Variants in MYH10 observed in about 807,000 individuals in gnomAD.
MYH10 encodes the protein myosin heavy chain 10.
In MYH10, 55 loss-of-function variants were observed where a neutral mutation model predicts 257.8. The ratio of observed to expected loss-of-function variants is 0.21; its 90% CI spans 0.17 to 0.27. The LOEUF is 0.27. Among genes scored for constraint, MYH10 ranks in the 10% least tolerant of loss-of-function variants. The pLI, the probability that MYH10 is intolerant of heterozygous loss-of-function variation, is 1.00. For synonymous variants in MYH10, 854 were observed against 921.7 expected, an observed-to-expected ratio of 0.93 and a Z score of 1.33; for missense variants, 1,631 against 2,500.6, an observed-to-expected ratio of 0.65 and a Z score of 7.42.
intron 9 of MYH10, among the ~76,000 whole-genome samples, chr17:8,550,791 T>C (rs2082615430): frequency 6.6e-6 from 1 of 152,110 alleles, no homozygotes; most frequent in Non-Finnish European, 1.5e-5. Context: ...TTTTGTTCTG[T>C]ACTAAGAAAA....
chr17:8,476,843 T>G (rs770279204), intron 42 of MYH10, 33 bp downstream of exon 42: 3 of 1,587,466 alleles, frequency 1.9e-6, no homozygotes, highest in Non-Finnish European at 2.6e-6. Flanking sequence ...ACAAAGCAGC[T>G]GCCTGTCAGC....
At chr17:8,542,412 T>A in intron 13 of MYH10, 132 bp from the exon 14 acceptor site, 2 of 754,100 alleles carry the variant, frequency 2.7e-6, no homozygotes, top group Non-Finnish European at 4.2e-6. Context: ...ATTGCTTCTA[T>A]CTAATGACAG....
At position 8,625,363 on chromosome 17, in the gene MYH10, T is replaced by C. The variant is rs150090348; in HGVS notation, c.-31-2086A>G. 1.3e-3 allele frequency among the ~76,000 whole-genome samples: 198 copies of C among 152,368 alleles called. 1 individual carries two copies. The highest frequency in any genetic ancestry group is 6.8e-3 in the Middle Eastern group (2 of 294). ...CGTTACAAACACTCATCTTCTATAG[T>C]AGCGGCTGTCAAATTCAGGCATGCA... On this transcript the variant is annotated intron_variant, in intron 1 of 42. Transcript: ENST00000360416.
At chr17:8,526,274 C>G (rs1478416991) in intron 17 of MYH10, among the ~76,000 whole-genome samples, 2 of 152,176 alleles carry the variant, frequency 1.3e-5, no homozygotes, top group African/African-American at 4.8e-5. Flanking sequence ...TTGATCAAAG[C>G]AGAAACCAGA....
chr17:8,492,631 CTTTTTTT>C (rs74648985), intron 33 of MYH10, 122 bp from the exon 34 acceptor site: 42 of 949,824 alleles, frequency 4.4e-5, no homozygotes, highest in African/African-American at 1.0e-4. Flanking sequence ...CTTGTATTTC[CTTTTTTT>C]TTTTTTTTTT....
At chr17:8,602,484 T>C (rs773643317) in intron 3 of MYH10, among the ~76,000 whole-genome samples, 56 of 152,198 alleles carry the variant, frequency 3.7e-4, no homozygotes, top group Non-Finnish European at 7.6e-4. Flanking sequence ...GGTGTGAGCT[T>C]TACCAGCAAT....
Position 8,499,291 on chromosome 17 carries a change from C to T in MYH10, c.3930G>A (p.Ala1310=), listed in dbSNP as rs200476301. The T allele has an allele frequency of 3.0e-5, 49 of 1,613,726 alleles. No individual in the cohort carries two copies. The highest frequency in any genetic ancestry group is 5.0e-5 in the Admixed American group (3 of 59,998). Residue 1310 remains alanine (A), a synonymous_variant, in exon 30 of 43, where the codon GCG becomes GCA. Coordinates refer to ENST00000360416, the MANE Select transcript of MYH10 (RefSeq NM_001256012.3). ...TTACCTGCAGCTTACTTGCTTTCTC[C>T]GCCAGCTCCACCCTGAGCCTGTCGC... ...SEGDRLRVEL[A]EKASKLQNEL...
chr17:8,571,579 G>A (rs1018813216), intron 6 of MYH10, among the ~76,000 whole-genome samples: 7 of 151,850 alleles, frequency 4.6e-5, no homozygotes, highest in African/African-American at 1.7e-4. Context: ...TCAGGAGATC[G>A]AGACCATCCT....
chr17:8,474,268 C>T lies in MYH10; in HGVS notation c.*1536G>A, dbSNP rs1428329842. 1 of 152,570 alleles carries T rather than the reference C, an allele frequency of 6.6e-6. No individual in the cohort carries two copies. The highest frequency in any genetic ancestry group is 6.5e-5 in the Admixed American group (1 of 15,276). The allele number at this position is 152,570 out of a possible 1,614,324, so 9.5% of individuals were successfully genotyped here. A position where few individuals can be genotyped will look rare whatever the true frequency, so the allele number is the denominator to read the frequency against. On this transcript the variant is annotated 3_prime_UTR_variant, in exon 43 of 43. Transcript: ENST00000360416. ...CTTTATTCTCCACGGGTGCTTTTTT[C>T]TTCAAGTAAACAGAGCAGGCGCAAA...
In MYH10 at chr17:8,504,640, G is replaced by T; in HGVS notation, c.3599+54C>A. On this transcript the variant is annotated intron_variant, in intron 28 of 42. Transcript: ENST00000360416. The surrounding 1 kb of genome is among the most constrained non-coding windows in gnomAD (Gnocchi z 5.6). ...AAGCACACCAGGCATTTCTGCACGG[G>T]CTCGGTGGAGAGGTCGGCAGGCGCC... The T allele has an allele frequency of 6.6e-7, 1 of 1,508,692 alleles. No homozygotes were observed. The highest frequency in any genetic ancestry group is 9.1e-7 in the Non-Finnish European group (1 of 1,094,458). 93.5% of individuals were successfully genotyped at this position (1,508,692 alleles called of 1,614,324 possible). A position where few individuals can be genotyped will look rare whatever the true frequency, so the allele number is the denominator to read the frequency against.
chr17:8,522,977 A>G (rs1184086830), intron 17 of MYH10, among the ~76,000 whole-genome samples: 1 of 152,064 alleles, frequency 6.6e-6, no homozygotes, highest in East Asian at 1.9e-4. Context: ...CTTCAGTCCC[A>G]TGTTTCTTGA....
chr17:8,482,964 T>G (rs1270145328), intron 37 of MYH10, among the ~76,000 whole-genome samples: 1 of 152,198 alleles, frequency 6.6e-6, no homozygotes. Flanking sequence ...CATTTTTAAG[T>G]ACCCACGGAA....
intron 24 of MYH10, among the ~76,000 whole-genome samples, chr17:8,510,547 A>C (rs1016710721): frequency 1.3e-5 from 2 of 152,216 alleles, no homozygotes; most frequent in Admixed American, 1.3e-4. Flanking sequence ...ATATTGAGTA[A>C]CTATGAACAT....
rs1216784016 is a variant in MYH10 at position 8,552,981 on chromosome 17, C to T, written c.821-837G>A. The stretch of plus-strand genomic sequence containing the variant: ...AGTTCCTATGGGTTGACAGTCACAC[C>T]GGCATCTCAGAGAACGTGTATCACA... On this transcript the variant is annotated intron_variant, in intron 8 of 42. Transcript: ENST00000360416. This position sits in a 1 kb window ranked among gnomAD's most constrained non-coding sequence, Gnocchi z 4.8. Among the ~76,000 whole-genome samples, 7 of 152,188 alleles carry T rather than the reference C, an allele frequency of 4.6e-5. No homozygotes were observed. Among genetic ancestry groups the T allele is most frequent in the Non-Finnish European group, 7.3e-5 (5 of 68,044 alleles).
Position 8,524,382 on chromosome 17 carries a change from G to A in MYH10, c.1958-3097C>T, listed in dbSNP as rs117723585. On this transcript the variant is annotated intron_variant, in intron 17 of 42. Coordinates refer to ENST00000360416, the MANE Select transcript of MYH10 (RefSeq NM_001256012.3). The stretch of plus-strand genomic sequence containing the variant: ...GGAGAATTGCCTGAACTCAGGAAGC[G>A]GAGGTCGCAGTAAGCTGAGATCATG... 4.9e-4 allele frequency among the ~76,000 whole-genome samples: 67 copies of A among 137,130 alleles called. No individual in the cohort carries two copies. The East Asian group carries it at 0.013, about 28-fold the overall frequency. 90.0% of individuals were successfully genotyped at this position (137,130 alleles called of 152,430 possible). A position where few individuals can be genotyped will look rare whatever the true frequency, so the allele number is the denominator to read the frequency against.
intron 36 of MYH10, among the ~76,000 whole-genome samples, chr17:8,485,165 A>G (rs1409924963): frequency 6.6e-6 from 1 of 152,218 alleles, no homozygotes; most frequent in African/African-American, 2.4e-5. Flanking sequence ...TGCGGGATAC[A>G]AGATCAACAT....
In MYH10 at chr17:8,535,342, A is replaced by G; in HGVS notation, c.1894+45T>C. ...GAACCATCTATAAACCTTAATTATA[A>G]AAGATTCCAGCCAAGCATGATTACA... On this transcript the variant is annotated intron_variant, in intron 16 of 42. Transcript: ENST00000360416. This position sits in a 1 kb window ranked among gnomAD's most constrained non-coding sequence, Gnocchi z 4.3. The G allele has an allele frequency of 2.8e-6, 4 of 1,446,066 alleles. No homozygotes were observed. Among genetic ancestry groups the G allele is most frequent in the Non-Finnish European group, 3.9e-6 (4 of 1,037,306 alleles). 89.6% of individuals were successfully genotyped at this position (1,446,066 alleles called of 1,614,324 possible).
At chr17:8,508,778 T>A in intron 25 of MYH10, 101 bp from the exon 26 acceptor site, 1 of 1,431,626 alleles carries the variant, frequency 7.0e-7, no homozygotes, top group Admixed American at 1.9e-5. Flanking sequence ...AGAAAATAAG[T>A]TCTATCGGCA....
Position 8,478,413 on chromosome 17 carries a change from G to A in MYH10, c.5631C>T (p.Arg1877=), listed in dbSNP as rs1913065914. Residue 1877 remains arginine (R), a synonymous_variant, in exon 41 of 43, where the codon CGC becomes CGT. Coordinates refer to ENST00000360416, the MANE Select transcript of MYH10 (RefSeq NM_001256012.3). ...ERAAANKLVR[R]TEKKLKEIFM... ...AGATTTCTTTCAGCTTCTTCTCAGT[G>A]CGACGGACTAATTTGTTGGCGGCTG... is the stretch of plus-strand genomic sequence containing the variant. The A allele has an allele frequency of 6.2e-7, 1 of 1,614,240 alleles. No individual in the cohort carries two copies. The highest frequency in any genetic ancestry group is 1.1e-5 in the South Asian group (1 of 91,088).
Sources: allele counts gnomAD v4.1 joint callset (sites outside exome capture counted in the v4.1 genomes callset), GRCh38; gene constraint gnomAD v4.1.1; non-coding constraint Gnocchi (gnomAD v3.1); transcripts MANE v1.5; gene names NCBI Gene and HGNC (gene_info 2026-07-23, HGNC 2026-07-21).